The following MIS18BP1 variants were observed in gnomAD, a reference collection of about 807,000 sequenced individuals.
The protein encoded by MIS18BP1 is MIS18 binding protein 1, also known as mis18-binding protein 1.
Under a neutral mutation model 116.1 loss-of-function variants are expected in MIS18BP1, and 72 were observed. The ratio of observed to expected loss-of-function variants is 0.62; its 90% CI spans 0.51 to 0.75. The LOEUF (loss-of-function observed/expected upper bound fraction) is 0.75, where lower values mean the gene tolerates loss of function less well. Among genes scored for constraint, MIS18BP1 ranks in the 30% least tolerant of loss-of-function variants. MIS18BP1 has a pLI of 0.00. For missense variants in MIS18BP1, 1,363 were observed against 1,303.2 expected (o/e 1.05, Z -0.71); for synonymous variants, 386 against 427.0 (o/e 0.90, Z 1.18).
chr14:45,232,763 T>C lies in MIS18BP1; in HGVS notation c.1406A>G (p.Glu469Gly). ...TTGTTCCAGAAAATTATCAATGTGC[T>C]CTTTCCAATTTTCTGGAAATCCAAA... is the stretch of plus-strand genomic sequence containing the variant. ...FMFGFPENWKEHIDNFLEQLR... is the reference protein window; with the variant it reads ...FMFGFPENWKGHIDNFLEQLR... Residue 469 changes from glutamate (E) to glycine (G), a missense_variant, in exon 7 of 17, where the codon GAG becomes GGG. Glu to Gly is a moderately conservative substitution (Grantham distance 98). Transcript: ENST00000310806. The C allele has an allele frequency of 6.7e-7, 1 of 1,483,382 alleles. No homozygotes were observed. Among genetic ancestry groups the C allele is most frequent in the Non-Finnish European group, 9.2e-7 (1 of 1,090,544 alleles). 91.9% of individuals were successfully genotyped at this position (1,483,382 alleles called of 1,614,324 possible). A position where few individuals can be genotyped will look rare whatever the true frequency, so the allele number is the denominator to read the frequency against.
In MIS18BP1 at chr14:45,204,119, T is replaced by C. The variant is rs746624130; in HGVS notation, c.3389A>G (p.Asp1130Gly). The change falls in exon 17 of 17, where the codon GAT (aspartate) becomes GGT (glycine). Residue 1130 changes from aspartate (D) to glycine (G), a missense_variant. Asp to Gly is a moderately conservative substitution (Grantham distance 94). Coordinates refer to ENST00000310806, the MANE Select transcript of MIS18BP1 (RefSeq NM_018353.5). ...TATTTTCTCATTTTACTATGCAGAATCAGAGTTCGAAAAATAATAATCTTT... is the reference window on the plus strand; with the variant it reads ...TATTTTCTCATTTTACTATGCAGAACCAGAGTTCGAAAAATAATAATCTTT... Reference protein sequence around the residue: ...EEKDYYFSNSDSA With the variant: ...EEKDYYFSNSGSA 1 of 1,609,074 alleles carries C rather than the reference T, an allele frequency of 6.2e-7. No individual in the cohort carries two copies. Among genetic ancestry groups the C allele is most frequent in the East Asian group, 2.2e-5 (1 of 44,584 alleles).
intron 11 of MIS18BP1, among the ~76,000 whole-genome samples, chr14:45,219,840 T>G (rs547013420): frequency 6.6e-6 from 1 of 152,236 alleles, no homozygotes; most frequent in East Asian, 1.9e-4. Flanking sequence ...CTGTCTAAAA[T>G]AACTATTACA....
intron 13 of MIS18BP1, among the ~76,000 whole-genome samples, chr14:45,211,893 C>A (rs74571261): frequency 6.6e-6 from 1 of 152,198 alleles, no homozygotes; most frequent in Non-Finnish European, 1.5e-5. Flanking sequence ...CAAAGCTTCA[C>A]TGATACAAAG....
At position 45,213,741 on chromosome 14, in the gene MIS18BP1, G is replaced by C. The variant is rs141860337; in HGVS notation, c.3004-3213C>G. ...AACCATTGTGGGGAAAAGAAAGAGA[G>C]ATCAGACTGTTACTGTGTCTATGCA... is the stretch of plus-strand genomic sequence containing the variant. On this transcript the variant is annotated intron_variant, in intron 13 of 16. Coordinates refer to ENST00000310806, the MANE Select transcript of MIS18BP1 (RefSeq NM_018353.5). Among the ~76,000 whole-genome samples, 219 of 152,166 alleles carry C rather than the reference G, an allele frequency of 1.4e-3. 2 individuals carry two copies. Among genetic ancestry groups the C allele is most frequent in the Admixed American group, 5.3e-3 (81 of 15,300 alleles).
chr14:45,217,078 GCAA>G lies in MIS18BP1; in HGVS notation c.2941_2943del (p.Leu981del), dbSNP rs1424457875. On this transcript the variant is annotated inframe_deletion, in exon 13 of 17. Coordinates refer to ENST00000310806, the MANE Select transcript of MIS18BP1 (RefSeq NM_018353.5). ...AAAAAATCATCATGGTCATCTTTTG[GCAA>G]CTGTTCCAGAAATTCCCTCATCTGT... 2 of 1,613,938 alleles carry G rather than the reference GCAA, an allele frequency of 1.2e-6. No individual in the cohort carries two copies. The highest frequency in any genetic ancestry group is 1.7e-6 in the Non-Finnish European group (2 of 1,179,990).
intron 6 of MIS18BP1, 89 bp from the exon 7 acceptor site, chr14:45,232,909 T>C (rs1385711759): frequency 3.0e-6 from 2 of 659,860 alleles, no homozygotes; most frequent in Non-Finnish European, 5.4e-6. Context: ...TCAAGAAATA[T>C]GCACCTATTG....
At chr14:45,225,929 T>A (rs1594512550) in intron 10 of MIS18BP1, among the ~76,000 whole-genome samples, 1 of 152,144 alleles carries the variant, frequency 6.6e-6, no homozygotes, top group African/African-American at 2.4e-5. Flanking sequence ...AGCCTCTAAA[T>A]TACAATCCGT....
chr14:45,217,605 CT>C (rs879725525), intron 12 of MIS18BP1, among the ~76,000 whole-genome samples: 40 of 145,240 alleles, frequency 2.8e-4, no homozygotes, highest in Middle Eastern at 3.5e-3. Flanking sequence ...AAGATCTTCT[CT>C]TTTTTTTTTT....
intron 12 of MIS18BP1, among the ~76,000 whole-genome samples, chr14:45,217,800 T>C (rs1193429854): frequency 6.6e-6 from 1 of 152,176 alleles, no homozygotes; most frequent in African/African-American, 2.4e-5. Context: ...GCCTAATTTA[T>C]TGATTTTGCC....
intron 11 of MIS18BP1, among the ~76,000 whole-genome samples, chr14:45,222,614 A>G (rs915672855): frequency 3.3e-5 from 5 of 152,178 alleles, no homozygotes; most frequent in Admixed American, 3.3e-4. Context: ...TGGGACACTG[A>G]GTAGCTAGCC....
rs1170629819 is a variant in MIS18BP1 at position 45,253,164 on chromosome 14, A to T, written c.-221T>A. 6.6e-6 allele frequency: 1 copy of T among 152,256 alleles called. No individual in the cohort carries two copies. The highest frequency in any genetic ancestry group is 1.9e-4 in the East Asian group (1 of 5,194). The allele number at this position is 152,256 out of a possible 1,614,324, so 9.4% of individuals were successfully genotyped here. ...ATCCTGCCCGCGGCGGCCAGGCGCC[A>T]AGCGACGCTTACCTCCTCCGCGACG... is the stretch of plus-strand genomic sequence containing the variant. On this transcript the variant is annotated 5_prime_UTR_variant, in exon 1 of 17. Transcript: ENST00000310806.
intron 1 of MIS18BP1, among the ~76,000 whole-genome samples, chr14:45,251,420 G>A (rs1304720284): frequency 1.3e-5 from 2 of 152,166 alleles, no homozygotes; most frequent in African/African-American, 4.8e-5. Flanking sequence ...CAGAACTGAA[G>A]CTAAACAATT....
At chr14:45,250,327 G>A (rs574453728) in intron 1 of MIS18BP1, among the ~76,000 whole-genome samples, 3 of 152,278 alleles carry the variant, frequency 2.0e-5, no homozygotes, top group East Asian at 3.9e-4. Flanking sequence ...CAGAGGCTCT[G>A]CAGAATAGAT....
At chr14:45,226,878 T>C (rs771625705) in intron 9 of MIS18BP1, 42 bp from the exon 10 acceptor site, 4 of 1,272,220 alleles carry the variant, frequency 3.1e-6, no homozygotes, top group Non-Finnish European at 4.1e-6. Context: ...TTAAAACTAC[T>C]ACCAAAACAT....
intron 1 of MIS18BP1, among the ~76,000 whole-genome samples, chr14:45,251,532 T>C (rs967594110): frequency 4.6e-5 from 7 of 152,174 alleles, no homozygotes; most frequent in African/African-American, 1.2e-4. Context: ...TAACTATTAC[T>C]ATGGAATGGG....
intron 11 of MIS18BP1, among the ~76,000 whole-genome samples, chr14:45,223,066 A>C (rs147386710): frequency 8.6e-4 from 130 of 151,986 alleles, no homozygotes; most frequent in African/African-American, 3.0e-3. Flanking sequence ...GAGAAAAGAC[A>C]AAAACAAAAC....
intron 9 of MIS18BP1, among the ~76,000 whole-genome samples, chr14:45,227,394 C>G (rs1891150118): frequency 6.6e-6 from 1 of 151,944 alleles, no homozygotes; most frequent in African/African-American, 2.4e-5. Context: ...GTAGTCCCAG[C>G]TACTCGGGAA....
At position 45,252,530 on chromosome 14, in the gene MIS18BP1, G is replaced by A. The variant is rs1891905453; in HGVS notation, c.-92+505C>T. On this transcript the variant is annotated intron_variant, in intron 1 of 16. Coordinates refer to ENST00000310806, the MANE Select transcript of MIS18BP1 (RefSeq NM_018353.5). ...GCCTACCATTTTCTTGAACTCCTGA[G>A]CTCAAAAGATCCACCCGCCTCGGCC... Among the ~76,000 whole-genome samples, 3 of 152,178 alleles carry A rather than the reference G, an allele frequency of 2.0e-5. No individual in the cohort carries two copies. In the South Asian group the frequency reaches 6.2e-4, roughly 32 times the overall value.
chr14:45,229,542 A>G (rs1891219315), intron 8 of MIS18BP1, among the ~76,000 whole-genome samples: 2 of 151,980 alleles, frequency 1.3e-5, no homozygotes, highest in Admixed American at 1.3e-4. Flanking sequence ...TTTCCTATGG[A>G]CACAGCTGGT....
Sources: gnomAD v4.1 joint callset for allele counts (sites outside exome capture counted in the v4.1 genomes callset) on GRCh38, gnomAD v4.1.1 for gene constraint, MANE v1.5 for transcripts, NCBI Gene and HGNC (gene_info 2026-07-23, HGNC 2026-07-21) for gene names.